ADAM22: variants seen among roughly 807,000 people sequenced by gnomAD.
The protein encoded by ADAM22 is ADAM metallopeptidase domain 22, also known as disintegrin and metalloproteinase domain-containing protein 22.
ADAM22 carries 65 observed loss-of-function variants against 144.6 expected under a neutral mutation model. That is an observed-to-expected ratio of 0.45 (90% CI 0.37 to 0.55). ADAM22 has a LOEUF of 0.55. Among genes scored for constraint, ADAM22 ranks in the 20% least tolerant of loss-of-function variants. ADAM22 has a pLI of 0.00. For missense variants in ADAM22, 974 were observed against 1,184.9 expected, an observed-to-expected ratio of 0.82 and a Z score of 2.61; for synonymous variants, 391 against 412.6, an observed-to-expected ratio of 0.95 and a Z score of 0.63.
chr7:88,130,501 A>T (rs1391463607), intron 10 of ADAM22, 42 bp downstream of exon 10: 1 of 1,543,306 alleles, frequency 6.5e-7, no homozygotes, highest in Non-Finnish European at 8.9e-7. Flanking sequence ...GAAGATTCTT[A>T]TTTCCTAATT....
chr7:88,045,038 A>T (rs1804225440), intron 3 of ADAM22, among the ~76,000 whole-genome samples: 1 of 147,248 alleles, frequency 6.8e-6, no homozygotes, highest in Admixed American at 6.9e-5. Flanking sequence ...TTTTCTTGAG[A>T]CAAACTCTCG....
At chr7:88,019,620 G>T (rs1161644108) in intron 3 of ADAM22, among the ~76,000 whole-genome samples, 2 of 152,126 alleles carry the variant, frequency 1.3e-5, no homozygotes, top group African/African-American at 4.8e-5. Context: ...GGCCAAGGCA[G>T]GTGGATCACC....
chr7:88,038,474 AG>A (rs1802067208), intron 3 of ADAM22, among the ~76,000 whole-genome samples: 1 of 143,880 alleles, frequency 7.0e-6, no homozygotes, highest in South Asian at 2.2e-4. Flanking sequence ...TTTTCTTTTG[AG>A]ACGGAGTTTC....
At chr7:87,937,321 T>TC (rs1841475668) in intron 2 of ADAM22, among the ~76,000 whole-genome samples, 1 of 152,172 alleles carries the variant, frequency 6.6e-6, no homozygotes, top group Non-Finnish European at 1.5e-5. Context: ...TTCTTTTTTT[T>TC]CCCCTTGCAA....
chr7:88,135,982 GA>G lies in ADAM22; in HGVS notation c.1173del (p.Glu391AspfsTer12). The G allele has an allele frequency of 6.2e-7, 1 of 1,609,616 alleles. No individual in the cohort carries two copies. Among genetic ancestry groups the G allele is most frequent in the Non-Finnish European group, 8.5e-7 (1 of 1,177,748 alleles). On this transcript the variant is annotated frameshift_variant, in exon 14 of 32. Transcript: ENST00000413139. LOFTEE classifies it high-confidence loss of function. ...CATGTGTATTAATTTTCTCTTAGGT[GA>G]ATGTAAATGCGAGGACACGTGGTCC... ...ISDKRKLASGECKCEDTWSGC... is the reference protein window; with the variant it reads ...ISDKRKLASGXCKCEDTWSGC...
At chr7:88,045,955 C>T (rs55737537) in intron 3 of ADAM22, among the ~76,000 whole-genome samples, 4,428 of 141,550 alleles carry the variant, frequency 0.031, 214 homozygotes, top group African/African-American at 0.11. Context: ...TTTTCTTTAT[C>T]CATTCATTCA....
At chr7:87,979,204 CT>C (rs1463724311) in intron 3 of ADAM22, among the ~76,000 whole-genome samples, 1 of 152,092 alleles carries the variant, frequency 6.6e-6, no homozygotes, top group Admixed American at 6.6e-5. Context: ...GACAAATAGA[CT>C]AAGAGTGAGA....
chr7:88,023,630 G>C (rs978224331), intron 3 of ADAM22, among the ~76,000 whole-genome samples: 1 of 151,976 alleles, frequency 6.6e-6, no homozygotes, highest in Non-Finnish European at 1.5e-5. Context: ...ATGCGGATCA[G>C]GCTGGTCTCA....
intron 22 of ADAM22, among the ~76,000 whole-genome samples, chr7:88,160,617 A>G (rs1841331314): frequency 1.3e-5 from 2 of 152,104 alleles, no homozygotes; most frequent in African/African-American, 2.4e-5. Flanking sequence ...GGTACTGGGT[A>G]TATACCCAAA....
chr7:88,126,836 C>G (rs539540968), intron 8 of ADAM22, among the ~76,000 whole-genome samples: 1 of 151,950 alleles, frequency 6.6e-6, no homozygotes, highest in African/African-American at 2.4e-5. Context: ...ATGAGAGATA[C>G]TTAACCTATA....
intron 3 of ADAM22, among the ~76,000 whole-genome samples, chr7:88,032,525 T>A (rs755623660): frequency 6.6e-6 from 1 of 152,218 alleles, no homozygotes; most frequent in Non-Finnish European, 1.5e-5. Context: ...ACCTGCCTTG[T>A]CTCAGATGTG....
intron 7 of ADAM22, 39 bp downstream of exon 7, chr7:88,116,853 A>G (rs375099544): frequency 2.1e-6 from 3 of 1,440,200 alleles, no homozygotes; most frequent in African/African-American, 1.4e-5. Context: ...CTAAAAGACA[A>G]CTTCAGTAAT....
At position 88,103,469 on chromosome 7, in the gene ADAM22, CA is replaced by C. The variant is rs577318423; in HGVS notation, c.391-4705del. Among the ~76,000 whole-genome samples the C allele has an allele frequency of 3.0e-3, 451 of 151,790 alleles. 3 individuals carry two copies. The highest frequency in any genetic ancestry group is 0.011 in the African/African-American group (436 of 41,406). On this transcript the variant is annotated intron_variant, in intron 4 of 31. Transcript: ENST00000413139. ...TTTTTCTCCCATTAGGAAGATAAACCAATAATAGACATATAAACTATCGTCT... is the reference window on the plus strand; with the variant it reads ...TTTTTCTCCCATTAGGAAGATAAACCATAATAGACATATAAACTATCGTCT...
intron 4 of ADAM22, among the ~76,000 whole-genome samples, chr7:88,102,004 T>C (rs954104301): frequency 7.9e-5 from 12 of 152,144 alleles, no homozygotes; most frequent in Non-Finnish European, 1.6e-4. Context: ...AACCTTGACT[T>C]TGTAGCAGGC....
At chr7:88,137,726 C>T (rs1273900915) in intron 14 of ADAM22, among the ~76,000 whole-genome samples, 1 of 152,116 alleles carries the variant, frequency 6.6e-6, no homozygotes, top group African/African-American at 2.4e-5. Context: ...TATTTCAGAC[C>T]TCACATCATA....
In ADAM22 at chr7:87,948,082, T is replaced by C. The variant is rs188018071; in HGVS notation, c.246+12896T>C. On this transcript the variant is annotated intron_variant, in intron 2 of 31. Coordinates refer to ENST00000413139, the MANE Select transcript of ADAM22 (RefSeq NM_001324418.2). Reference sequence around the variant, plus strand: ...TCTTTCATCATCCCTCAATATAGGCTCTGTCACTTTCCTGCAGCCTCTTTC... The same window carrying C: ...TCTTTCATCATCCCTCAATATAGGCCCTGTCACTTTCCTGCAGCCTCTTTC... Among the ~76,000 whole-genome samples, 483 of 152,320 alleles carry C rather than the reference T, an allele frequency of 3.2e-3. 3 individuals carry two copies. Among genetic ancestry groups the C allele is most frequent in the African/African-American group, 0.011 (458 of 41,584 alleles).
At chr7:88,011,364 A>AC (rs1795345686) in intron 3 of ADAM22, among the ~76,000 whole-genome samples, 1 of 151,828 alleles carries the variant, frequency 6.6e-6, no homozygotes, top group Non-Finnish European at 1.5e-5. Flanking sequence ...ATGGGGTGAA[A>AC]CCCGTCTCTA....
chr7:87,966,183 G>A (rs981252209), intron 2 of ADAM22, among the ~76,000 whole-genome samples: 3 of 152,084 alleles, frequency 2.0e-5, no homozygotes, highest in South Asian at 2.1e-4. Context: ...ATTTCTCCCC[G>A]GCCTTTTCTG....
chr7:88,008,737 C>T (rs1424544361), intron 3 of ADAM22, among the ~76,000 whole-genome samples: 1 of 151,488 alleles, frequency 6.6e-6, no homozygotes, highest in Non-Finnish European at 1.5e-5. Context: ...ACATCACACT[C>T]TGGGGACTGT....
Sources: allele counts gnomAD v4.1 joint callset (sites outside exome capture counted in the v4.1 genomes callset), GRCh38; gene constraint gnomAD v4.1.1; transcripts MANE v1.5; gene names NCBI Gene and HGNC (gene_info 2026-07-23, HGNC 2026-07-21).